Variants in VCAN observed in about 807,000 individuals in gnomAD.
VCAN encodes the protein versican.
Under a neutral mutation model 245.5 loss-of-function variants are expected in VCAN, and 44 were observed. The ratio of observed to expected loss-of-function variants is 0.18; its 90% confidence interval spans 0.14 to 0.23. VCAN has a LOEUF of 0.23. Among genes scored for constraint, VCAN ranks in the 10% least tolerant of loss-of-function variants. The pLI is 1.00. For synonymous variants in VCAN, 1,413 were observed against 1,437.0 expected (o/e 0.98, Z 0.38); for missense variants, 3,793 against 4,057.9 (o/e 0.93, Z 1.77).
chr5:83,523,483 T>A (rs1746178564), intron 7 of VCAN, among the ~76,000 whole-genome samples: 1 of 151,804 alleles, frequency 6.6e-6, no homozygotes, highest in South Asian at 2.1e-4. Context: ...TTCTGAAGAC[T>A]GATGCTATCC....
intron 9 of VCAN, 39 bp downstream of exon 9, chr5:83,545,689 C>G: frequency 6.9e-7 from 1 of 1,455,568 alleles, no homozygotes; most frequent in Non-Finnish European, 9.7e-7. Flanking sequence ...AGTTCTTTCA[C>G]AGAAGATATA....
chr5:83,542,434 A>G lies in VCAN; in HGVS notation c.9265+166A>G, dbSNP rs560081038. 7.6e-4 allele frequency among the ~76,000 whole-genome samples: 115 copies of G among 152,316 alleles called. 4 individuals are homozygous for G. In the South Asian group the frequency reaches 0.023, roughly 31 times the overall value. On this transcript the variant is annotated intron_variant, in intron 8 of 14. Transcript: ENST00000265077. The stretch of plus-strand genomic sequence containing the variant: ...CAGTATTGAGTTCATAATGAGATGA[A>G]ATGACAGTAAGTATAGATTAGTTTT...
intron 5 of VCAN, among the ~76,000 whole-genome samples, chr5:83,507,245 A>G (rs976087967): frequency 4.6e-5 from 7 of 152,340 alleles, no homozygotes; most frequent in African/African-American, 1.7e-4. Flanking sequence ...TTGTCAAACT[A>G]CAAAAAAGAT....
intron 2 of VCAN, among the ~76,000 whole-genome samples, chr5:83,484,559 C>T (rs1744731280): frequency 6.6e-6 from 1 of 150,658 alleles, no homozygotes; most frequent in Admixed American, 6.6e-5. Flanking sequence ...ATCCATTCAT[C>T]CATCCATTTT....
rs1191243609 is a variant in VCAN, at chr5:83,538,273, A to G, written c.5270A>G (p.Glu1757Gly). The change falls in exon 8 of 15, where the codon GAA becomes GGA. Residue 1757 changes from glutamate to glycine, a missense_variant. Coordinates refer to ENST00000265077, the MANE Select transcript of VCAN (RefSeq NM_004385.5). Reference protein sequence around the residue: ...SDQLILPFELESPNVATSSDS... With the variant: ...SDQLILPFELGSPNVATSSDS... ...CAATTAATTTTACCCTTTGAATTAG[A>G]AAGTCCAAATGTAGCTACATCTAGT... is the stretch of plus-strand genomic sequence containing the variant. 2.5e-6 allele frequency: 4 copies of G among 1,613,952 alleles called. No homozygotes were observed. Among genetic ancestry groups the G allele is most frequent in the African/African-American group, 1.3e-5 (1 of 74,930 alleles).
At chr5:83,550,138 G>C (rs1248222199) in intron 10 of VCAN, among the ~76,000 whole-genome samples, 1 of 152,206 alleles carries the variant, frequency 6.6e-6, no homozygotes, top group Non-Finnish European at 1.5e-5. Flanking sequence ...AGCTTGCCTA[G>C]TGAGAAGTGT....
At chr5:83,475,809 A>G (rs947448657) in intron 1 of VCAN, among the ~76,000 whole-genome samples, 2 of 152,226 alleles carry the variant, frequency 1.3e-5, no homozygotes, top group African/African-American at 4.8e-5. Flanking sequence ...AGGAAGCGGG[A>G]TGAGATTCAA....
At chr5:83,510,412 C>T (rs971058614) in intron 5 of VCAN, among the ~76,000 whole-genome samples, 1 of 152,172 alleles carries the variant, frequency 6.6e-6, no homozygotes, top group Non-Finnish European at 1.5e-5. Context: ...TGGATTTAGT[C>T]AGGTGAAGAT....
chr5:83,496,321 A>G (rs1470471076), intron 5 of VCAN, among the ~76,000 whole-genome samples: 8 of 152,200 alleles, frequency 5.3e-5, no homozygotes, highest in African/African-American at 1.9e-4. Flanking sequence ...TTGTGTCCCA[A>G]TGTAACCCAA....
Position 83,490,376 on chromosome 5 carries a change from G to A in VCAN, c.349G>A (p.Val117Met), listed in dbSNP as rs1412790727. ...PEAVGDASLT[V>M]VKLLASDAGL... is the part of the protein sequence containing the mutation. Reference sequence around the variant, plus strand: ...GGCTGTGGGCGATGCCTCCCTCACTGTGGTCAAGCTGCTGGCAAGTGATGC... The same window carrying A: ...GGCTGTGGGCGATGCCTCCCTCACTATGGTCAAGCTGCTGGCAAGTGATGC... The change falls in exon 3 of 15, where the codon GTG (valine) becomes ATG (methionine). Residue 117 changes from valine to methionine, a missense_variant. Around this residue, in one of 5 missense-constraint regions of VCAN, gnomAD observed 179 missense variants for 169.7 expected, o/e 1.05. Coordinates refer to ENST00000265077, the MANE Select transcript of VCAN (RefSeq NM_004385.5). 3.1e-6 allele frequency: 5 copies of A among 1,614,086 alleles called. No individual in the cohort carries two copies. The highest frequency in any genetic ancestry group is 2.5e-6 in the Non-Finnish European group (3 of 1,180,040).
chr5:83,531,811 A>AT (rs917935179), intron 7 of VCAN, among the ~76,000 whole-genome samples: 13 of 151,958 alleles, frequency 8.6e-5, no homozygotes, highest in Non-Finnish European at 1.3e-4. Context: ...CTTGTGAATA[A>AT]TTTGAGGTCA....
At chr5:83,569,627 A>G (rs1313230771) in intron 12 of VCAN, among the ~76,000 whole-genome samples, 2 of 152,188 alleles carry the variant, frequency 1.3e-5, no homozygotes, top group East Asian at 1.9e-4. Context: ...CAGTGTAGGT[A>G]GGGACAAAAA....
At position 83,580,638 on chromosome 5, in the gene VCAN, A is replaced by G. The variant is rs1748641624; in HGVS notation, c.*204A>G. ...ACAGCAGACAAAATGAAAGAAAATG[A>G]GAGCAGAAAGTAAGCATTTCCAGCC... On this transcript the variant is annotated 3_prime_UTR_variant, in exon 15 of 15. Coordinates refer to ENST00000265077, the MANE Select transcript of VCAN (RefSeq NM_004385.5). The G allele has an allele frequency of 2.8e-6, 2 of 713,584 alleles. No individual in the cohort carries two copies. The highest frequency in any genetic ancestry group is 4.6e-6 in the Non-Finnish European group (2 of 438,214). 44.2% of individuals were successfully genotyped at this position (713,584 alleles called of 1,614,324 possible). A position where few individuals can be genotyped will look rare whatever the true frequency, so the allele number is the denominator to read the frequency against.
chr5:83,478,239 C>G (rs1043100759), intron 1 of VCAN, among the ~76,000 whole-genome samples: 5 of 152,050 alleles, frequency 3.3e-5, no homozygotes, highest in Admixed American at 1.3e-4. Context: ...AGCCACTGTG[C>G]CTGGCAAAAA....
chr5:83,536,976 T>A (rs1418991926), intron 7 of VCAN, 31 bp from the exon 8 acceptor site: 1 of 1,544,540 alleles, frequency 6.5e-7, no homozygotes, highest in Non-Finnish European at 8.7e-7. Context: ...AATTTTCTAT[T>A]TAAGTATTGT....
At position 83,537,442 on chromosome 5, in the gene VCAN, C is replaced by T. The variant is rs763346903; in HGVS notation, c.4439C>T (p.Thr1480Ile). 5 of 1,613,970 alleles carry T rather than the reference C, an allele frequency of 3.1e-6. No individual in the cohort carries two copies. Among genetic ancestry groups the T allele is most frequent in the Non-Finnish European group, 4.2e-6 (5 of 1,179,960 alleles). ...GAAACAACTGAGTCTCTTGAAGTTA[C>T]ATGGAAGCCTGAGACTTACCCTGAA... ...STETTESLEV[T>I]WKPETYPETS... is the part of the protein sequence containing the mutation. The change falls in exon 8 of 15, where the codon ACA (threonine) becomes ATA (isoleucine). Residue 1480 changes from threonine to isoleucine, a missense_variant. This residue lies in a region of VCAN where 3,182 missense variants were observed against 3,250.3 expected (regional missense o/e 0.98). Transcript: ENST00000265077.
In VCAN at chr5:83,572,454, C is replaced by G; in HGVS notation, c.9774C>G (p.Phe3258Leu). The G allele has an allele frequency of 1.2e-6, 2 of 1,613,988 alleles. No homozygotes were observed. The highest frequency in any genetic ancestry group is 1.7e-6 in the Non-Finnish European group (2 of 1,179,902). The change falls in exon 13 of 15, where the codon TTC becomes TTG. Residue 3258 changes from phenylalanine (F) to leucine (L), a missense_variant. Coordinates refer to ENST00000265077, the MANE Select transcript of VCAN (RefSeq NM_004385.5). Reference protein sequence around the residue: ...ENWRPNQPDSFFSAGEDCVVI... With the variant: ...ENWRPNQPDSLFSAGEDCVVI... ...GGAGACCCAACCAGCCAGACAGCTTCTTTTCTGCTGGAGAAGACTGTGTTG... is the reference window on the plus strand; with the variant it reads ...GGAGACCCAACCAGCCAGACAGCTTGTTTTCTGCTGGAGAAGACTGTGTTG...
At chr5:83,477,144 C>A (rs1359171524) in intron 1 of VCAN, among the ~76,000 whole-genome samples, 3 of 151,906 alleles carry the variant, frequency 2.0e-5, no homozygotes, top group African/African-American at 7.3e-5. Flanking sequence ...AATGAATATG[C>A]AGTTATAAAG....
At chr5:83,480,298 A>G (rs1744566886) in intron 1 of VCAN, among the ~76,000 whole-genome samples, 1 of 152,182 alleles carries the variant, frequency 6.6e-6, no homozygotes, top group African/African-American at 2.4e-5. Context: ...AGACACTTTT[A>G]TAAGGATTGA....
Sources: allele counts gnomAD v4.1 joint callset (sites outside exome capture counted in the v4.1 genomes callset), GRCh38; gene constraint gnomAD v4.1.1; regional missense constraint gnomAD v4.1.1; transcripts MANE v1.5; gene names NCBI Gene and HGNC (gene_info 2026-07-23, HGNC 2026-07-21).